The following SLC26A4 variants were observed in gnomAD, a reference collection of about 807,000 sequenced individuals.
SLC26A4 encodes pendrin.
In SLC26A4, 93 loss-of-function variants were observed where a neutral mutation model predicts 90.4. The ratio of observed to expected loss-of-function variants is 1.03; its 90% CI spans 0.87 to 1.22. The LOEUF (loss-of-function observed/expected upper bound fraction) is 1.22. SLC26A4 is among the 50% of genes most tolerant of loss of function. SLC26A4 has a pLI of 0.00. For missense variants in SLC26A4, 1,127 were observed against 946.2 expected (o/e 1.19, Z -2.51); for synonymous variants, 393 against 354.6 (o/e 1.11, Z -1.22).
chr7:107,713,473 C>T (rs1792249195), intron 20 of SLC26A4, among the ~76,000 whole-genome samples: 1 of 152,230 alleles, frequency 6.6e-6, no homozygotes, highest in African/African-American at 2.4e-5. Flanking sequence ...TCCCACTGAA[C>T]AGCCCTTCAA....
chr7:107,661,768 C>A lies in SLC26A4; in HGVS notation c.127C>A (p.Arg43Ser). The A allele has an allele frequency of 6.5e-7, 1 of 1,542,616 alleles. No homozygotes were observed. ...QQQHERRLQE[R>S]KTLRESLAKC... ...ACAGCACGAGCGGCGCCTGCAGGAGCGCAAGACGCTGCGGGAGAGCCTGGC... is the reference window on the plus strand; with the variant it reads ...ACAGCACGAGCGGCGCCTGCAGGAGAGCAAGACGCTGCGGGAGAGCCTGGC... The change falls in exon 2 of 21, where the codon CGC becomes AGC. Residue 43 changes from arginine to serine, a missense_variant. Coordinates refer to ENST00000644269, the MANE Select transcript of SLC26A4 (RefSeq NM_000441.2). This position sits in a 1 kb window ranked among gnomAD's most constrained non-coding sequence, Gnocchi z 5.1.
chr7:107,681,387 G>A (rs1421161531), intron 6 of SLC26A4, among the ~76,000 whole-genome samples: 1 of 151,978 alleles, frequency 6.6e-6, no homozygotes, highest in Admixed American at 6.6e-5. Context: ...ATTACTTAAG[G>A]TTCATTAAGT....
intron 10 of SLC26A4, chr7:107,693,091 A>G (rs1016632823): frequency 1.9e-5 from 3 of 158,188 alleles, no homozygotes; most frequent in Non-Finnish European, 4.1e-5. Context: ...GCATGCAAGG[A>G]AGGAAGGGAG....
rs779009430 is a variant in SLC26A4 at position 107,674,236 on chromosome 7, T to C, written c.488T>C (p.Val163Ala). The C allele has an allele frequency of 5.6e-6, 9 of 1,614,034 alleles. No homozygotes were observed. The Admixed American group carries it at 1.5e-4, about 27-fold the overall frequency. ...LSMAPDEHFL[V>A]SSSNGTVLNT... The stretch of plus-strand genomic sequence containing the variant: ...ATGGCCCCCGACGAACACTTTCTCG[T>C]ATCCAGCAGCAATGGAACTGTATTA... Residue 163 changes from valine (V) to alanine (A), a missense_variant, in exon 5 of 21, where the codon GTA becomes GCA. Transcript: ENST00000644269.
chr7:107,682,294 G>C (rs1043298986), intron 6 of SLC26A4, among the ~76,000 whole-genome samples: 1 of 151,582 alleles, frequency 6.6e-6, no homozygotes, highest in African/African-American at 2.4e-5. Flanking sequence ...AAACCTGCAC[G>C]TTGTGCACAT....
intron 3 of SLC26A4, 97 bp downstream of exon 3, chr7:107,663,532 C>T (rs1477148901): frequency 2.2e-6 from 3 of 1,344,806 alleles, no homozygotes; most frequent in Non-Finnish European, 3.2e-6. Flanking sequence ...GCTTACCCTT[C>T]AAGGCCTGTA....
intron 20 of SLC26A4, among the ~76,000 whole-genome samples, chr7:107,714,210 G>A (rs1450748769): frequency 6.6e-5 from 10 of 152,134 alleles, no homozygotes; most frequent in Admixed American, 6.5e-4. Flanking sequence ...ACAGGCATGA[G>A]CCACCACATT....
Position 107,691,426 on chromosome 7 carries a change from T to C in SLC26A4, c.1263+1189T>C, listed in dbSNP as rs192492007. ...CTGAGGCAGGAGAATCACTTGAACC[T>C]GGGAGGTGGAGGTTGCAGTGAGCCA... On this transcript the variant is annotated intron_variant, in intron 10 of 20. Coordinates refer to ENST00000644269, the MANE Select transcript of SLC26A4 (RefSeq NM_000441.2). 7.8e-3 allele frequency among the ~76,000 whole-genome samples: 1,177 copies of C among 151,296 alleles called. 9 individuals are homozygous for C. The highest frequency in any genetic ancestry group is 0.027 in the African/African-American group (1,119 of 41,242).
intron 12 of SLC26A4, 35 bp downstream of exon 12, chr7:107,694,751 A>G (rs1466103510): frequency 6.9e-7 from 1 of 1,446,790 alleles, no homozygotes; most frequent in Admixed American, 1.7e-5. Context: ...ATCTGAAATA[A>G]GATTTGGTTC....
chr7:107,674,483 C>T (rs187034097), intron 5 of SLC26A4, 135 bp downstream of exon 5: 20 of 790,908 alleles, frequency 2.5e-5, no homozygotes, highest in African/African-American at 2.2e-4. Context: ...TTCTAAATTA[C>T]GTTGTTTTAG....
chr7:107,665,848 A>G (rs1790695833), intron 3 of SLC26A4, among the ~76,000 whole-genome samples: 1 of 152,162 alleles, frequency 6.6e-6, no homozygotes, highest in South Asian at 2.1e-4. Context: ...TACAGCTGGG[A>G]TTTTAATCCG....
intron 20 of SLC26A4, among the ~76,000 whole-genome samples, chr7:107,715,130 G>A (rs1792311355): frequency 6.7e-6 from 1 of 149,986 alleles, no homozygotes; most frequent in Non-Finnish European, 1.5e-5. Context: ...AGCTACTCGG[G>A]AGGCTGAGGC....
chr7:107,674,270 T>A lies in SLC26A4; in HGVS notation c.522T>A (p.Thr174=). 3 of 1,614,046 alleles carry A rather than the reference T, an allele frequency of 1.9e-6. No homozygotes were observed. Among genetic ancestry groups the A allele is most frequent in the Non-Finnish European group, 2.5e-6 (3 of 1,179,886 alleles). ...SSSNGTVLNT[T]MIDTAARDTA... is the part of the protein sequence containing the mutation. ...GCAATGGAACTGTATTAAATACTAC[T>A]ATGATAGACACTGCAGCTAGAGATA... The change falls in exon 5 of 21, where the codon ACT becomes ACA. Residue 174 remains threonine (T), a synonymous_variant. Transcript: ENST00000644269.
chr7:107,690,089 T>C, intron 9 of SLC26A4, 35 bp from the exon 10 acceptor site: 1 of 1,221,646 alleles, frequency 8.2e-7, no homozygotes, highest in Non-Finnish European at 1.2e-6. Context: ...AAAGATTCAA[T>C]TTGTAGGATC....
chr7:107,715,570 T>C lies in SLC26A4; in HGVS notation c.*124T>C, dbSNP rs1319332533. 17 of 814,588 alleles carry C rather than the reference T, an allele frequency of 2.1e-5. No individual in the cohort carries two copies. The East Asian group carries it at 4.1e-4, about 20-fold the overall frequency. 50.5% of individuals were successfully genotyped at this position (814,588 alleles called of 1,614,324 possible). A position where few individuals can be genotyped will look rare whatever the true frequency, so the allele number is the denominator to read the frequency against. ...TATTAAGCCATTGAAAGAGAAGCAC[T>C]AAGACTGCTTCTAGGCTTTATTTAT... is the stretch of plus-strand genomic sequence containing the variant. On this transcript the variant is annotated 3_prime_UTR_variant, in exon 21 of 21. Coordinates refer to ENST00000644269, the MANE Select transcript of SLC26A4 (RefSeq NM_000441.2).
At chr7:107,692,074 C>G (rs1791591754) in intron 10 of SLC26A4, 1 of 1,288,978 alleles carries the variant, frequency 7.8e-7, no homozygotes, top group African/African-American at 1.5e-5. Flanking sequence ...GGCTGGCTGT[C>G]CCAGTAAGTA....
At chr7:107,681,859 G>A (rs1202017202) in intron 6 of SLC26A4, among the ~76,000 whole-genome samples, 7 of 151,872 alleles carry the variant, frequency 4.6e-5, no homozygotes, top group Non-Finnish European at 1.0e-4. Context: ...TTGGGCAGGA[G>A]GATTTCTTGA....
chr7:107,699,214 T>C (rs910704117), intron 14 of SLC26A4, among the ~76,000 whole-genome samples: 5 of 152,164 alleles, frequency 3.3e-5, no homozygotes, highest in East Asian at 1.9e-4. Context: ...AGGCTCCATC[T>C]TGGTGAGACT....
chr7:107,694,677 T>G lies in SLC26A4; in HGVS notation c.1398T>G (p.Cys466Trp). ...TGAAAGGGATGTTTATGCAGCTGTG[T>G]GACATTCCTCGTCTGTGGAGACAGA... ...ANLKGMFMQL[C>W]DIPRLWRQNK... is the part of the protein sequence containing the mutation. Residue 466 changes from cysteine (C) to tryptophan (W), a missense_variant, in exon 12 of 21, where the codon TGT becomes TGG. Physicochemically the swap from Cys to Trp is radical, Grantham distance 215 (BLOSUM62 -2). Coordinates refer to ENST00000644269, the MANE Select transcript of SLC26A4 (RefSeq NM_000441.2). The G allele has an allele frequency of 6.2e-7, 1 of 1,613,544 alleles. No individual in the cohort carries two copies. Among genetic ancestry groups the G allele is most frequent in the South Asian group, 1.1e-5 (1 of 91,080 alleles).
Sources: allele counts gnomAD v4.1 joint callset (sites outside exome capture counted in the v4.1 genomes callset), GRCh38; gene constraint gnomAD v4.1.1; non-coding constraint Gnocchi (gnomAD v3.1); transcripts MANE v1.5; gene names NCBI Gene and HGNC (gene_info 2026-07-23, HGNC 2026-07-21).